Variants in CHAF1A observed in about 807,000 individuals in gnomAD.
CHAF1A encodes the protein chromatin assembly factor 1 subunit A, also known as CAF-1 subunit A.
CHAF1A carries 5 observed loss-of-function variants against 93.2 expected under a neutral mutation model. That is an observed-to-expected ratio of 0.05 (90% CI 0.03 to 0.11). CHAF1A has a LOEUF of 0.11. CHAF1A is among the 10% of genes least tolerant of loss of function. CHAF1A has a pLI of 1.00. For synonymous variants in CHAF1A, 504 were observed against 510.3 expected (o/e 0.99, Z 0.17); for missense variants, 1,102 against 1,259.9 (o/e 0.87, Z 1.90).
intron 1 of CHAF1A, among the ~76,000 whole-genome samples, chr19:4,405,544 G>T (rs950098210): frequency 4.6e-5 from 7 of 151,358 alleles, no homozygotes; most frequent in Admixed American, 2.0e-4. Context: ...GGAGGCGGAG[G>T]TTGCAGTGAG....
chr19:4,432,897 A>G (rs994123919), intron 12 of CHAF1A, among the ~76,000 whole-genome samples, 173 bp from the exon 13 acceptor site: 3 of 152,118 alleles, frequency 2.0e-5, no homozygotes, highest in African/African-American at 7.2e-5. Context: ...ACTTCTGGGC[A>G]GGTGCGTAGG....
intron 4 of CHAF1A, among the ~76,000 whole-genome samples, chr19:4,418,731 C>T (rs1368207181): frequency 2.6e-5 from 4 of 152,220 alleles, no homozygotes; most frequent in South Asian, 4.2e-4. Context: ...GTGTCTTTCA[C>T]TTATTGCTAA....
At chr19:4,403,121 C>T (rs1308240780) in intron 1 of CHAF1A, among the ~76,000 whole-genome samples, 1 of 152,206 alleles carries the variant, frequency 6.6e-6, no homozygotes, top group Non-Finnish European at 1.5e-5. Flanking sequence ...CCCAGGGAAG[C>T]GAAAGGGCTT....
At chr19:4,438,229 G>T (rs1282503856) in intron 13 of CHAF1A, among the ~76,000 whole-genome samples, 1 of 152,116 alleles carries the variant, frequency 6.6e-6, no homozygotes, top group Non-Finnish European at 1.5e-5. Flanking sequence ...AGTGTCTGTT[G>T]TTCCCCTCTT....
intron 3 of CHAF1A, among the ~76,000 whole-genome samples, chr19:4,415,340 C>A (rs1349521521): frequency 6.6e-6 from 1 of 152,174 alleles, no homozygotes; most frequent in Non-Finnish European, 1.5e-5. Context: ...CGGGCTCTTG[C>A]CAGTCACATC....
downstream of CHAF1A, chr19:4,446,586 C>T (rs769037800): frequency 6.8e-6 from 11 of 1,612,662 alleles, no homozygotes; most frequent in Admixed American, 3.3e-5. Flanking sequence ...GGGGCGAGGG[C>T]TGGAAGACGC....
intron 7 of CHAF1A, 58 bp downstream of exon 7, chr19:4,423,932 G>T: frequency 6.7e-7 from 1 of 1,502,742 alleles, no homozygotes; most frequent in African/African-American, 1.4e-5. Context: ...TTTCCTTTCT[G>T]AAAGTGAAAG....
chr19:4,448,594 C>G (rs1045615946), downstream of CHAF1A: 128 of 615,376 alleles, frequency 2.1e-4, no homozygotes, highest in African/African-American at 2.3e-3. Flanking sequence ...CTGCCCACGC[C>G]CCAGGGCAGA....
Position 4,402,819 on chromosome 19 carries a change from G to T in CHAF1A, c.52+5G>T. ...GCGCCAGGGGAGCCGCCACAGGTCG[G>T]TTCGGGCCCGCGCCGAGGGGAAGGG... On this transcript the variant is annotated splice_donor_5th_base_variant and intron_variant, in intron 1 of 14. Coordinates refer to ENST00000301280, the MANE Select transcript of CHAF1A (RefSeq NM_005483.3). 8.3e-7 allele frequency: 1 copy of T among 1,202,576 alleles called. No individual in the cohort carries two copies. Among genetic ancestry groups the T allele is most frequent in the Non-Finnish European group, 1.0e-6 (1 of 968,790 alleles). The allele number at this position is 1,202,576 out of a possible 1,614,324, so 74.5% of individuals were successfully genotyped here. A position where few individuals can be genotyped will look rare whatever the true frequency, so the allele number is the denominator to read the frequency against.
At chr19:4,435,124 G>A (rs1974260493) in intron 13 of CHAF1A, among the ~76,000 whole-genome samples, 1 of 118,398 alleles carries the variant, frequency 8.4e-6, no homozygotes, top group South Asian at 2.7e-4. Flanking sequence ...ACAGTCTCGC[G>A]CTGTTGCCCG....
chr19:4,439,077 G>A (rs1408385330), intron 13 of CHAF1A, among the ~76,000 whole-genome samples: 1 of 151,906 alleles, frequency 6.6e-6, no homozygotes, highest in Non-Finnish European at 1.5e-5. Flanking sequence ...GAGGCCAGGA[G>A]TTCAAGACCA....
At chr19:4,445,936 C>A (rs770506195), downstream of CHAF1A, 1 of 1,473,866 alleles carries the variant, frequency 6.8e-7, no homozygotes, top group Non-Finnish European at 9.0e-7. Flanking sequence ...AGGGACCTGC[C>A]CAGGCCCCCT....
At chr19:4,412,917 C>T (rs1973832353) in intron 3 of CHAF1A, among the ~76,000 whole-genome samples, 1 of 152,184 alleles carries the variant, frequency 6.6e-6, no homozygotes, top group Non-Finnish European at 1.5e-5. Flanking sequence ...AAGCGATTAT[C>T]GGGAGGCCTC....
At position 4,422,679 on chromosome 19, in the gene CHAF1A, A is replaced by T. The variant is rs1365926859; in HGVS notation, c.1131A>T (p.Glu377Asp). 6.2e-7 allele frequency: 1 copy of T among 1,611,348 alleles called. No homozygotes were observed. The highest frequency in any genetic ancestry group is 8.5e-7 in the Non-Finnish European group (1 of 1,178,846). Residue 377 changes from glutamate (E) to aspartate (D), a missense_variant, in exon 5 of 15, where the codon GAA (glutamate) becomes GAT (aspartate). Glu to Asp is a conservative substitution (Grantham distance 45). Coordinates refer to ENST00000301280, the MANE Select transcript of CHAF1A (RefSeq NM_005483.3). This position sits in a 1 kb window ranked among gnomAD's most constrained non-coding sequence, Gnocchi z 4.6. The stretch of plus-strand genomic sequence containing the variant: ...AGGAGGCCAAGAAGAAGAAGGAGGA[A>T]GAGAAGGAGCTTAAGGAAAAGGAGA... ...AKEEAKKKKE[E>D]EKELKEKERR...
Position 4,431,983 on chromosome 19 carries a change from G to A in CHAF1A, c.1979G>A (p.Arg660His), listed in dbSNP as rs770871515. 5.6e-6 allele frequency: 9 copies of A among 1,612,760 alleles called. No homozygotes were observed. Among genetic ancestry groups the A allele is most frequent in the East Asian group, 2.2e-5 (1 of 44,814 alleles). The change falls in exon 12 of 15, where the codon CGC (arginine) becomes CAC (histidine). Residue 660 changes from arginine to histidine, a missense_variant. Arg to His is a conservative substitution (Grantham distance 29). Coordinates refer to ENST00000301280, the MANE Select transcript of CHAF1A (RefSeq NM_005483.3). ...ECADPENHKV[R>H]QKLKAKEWDE... ...GCCGACCCTGAGAACCATAAGGTCC[G>A]CCAGAAACTGAAGGCCAAGGAGTGG...
chr19:4,408,202 T>C (rs1490576483), intron 2 of CHAF1A, among the ~76,000 whole-genome samples: 1 of 150,328 alleles, frequency 6.7e-6, no homozygotes, highest in African/African-American at 2.4e-5. Flanking sequence ...CTTTTTTTTT[T>C]TTTTTTCTTT....
At position 4,409,253 on chromosome 19, in the gene CHAF1A, G is replaced by A. The variant is rs1355516302; in HGVS notation, c.454G>A (p.Glu152Lys). The A allele has an allele frequency of 1.4e-5, 23 of 1,614,068 alleles. No individual in the cohort carries two copies. In the Admixed American group the frequency reaches 1.7e-4, roughly 12 times the overall value. Residue 152 changes from glutamate to lysine, a missense_variant, in exon 3 of 15, where the codon GAA becomes AAA. By Grantham distance (56) the Glu-to-Lys change is moderately conservative. Around this residue, in one of 6 missense-constraint regions of CHAF1A, gnomAD observed 379 missense variants for 365.7 expected, o/e 1.04. Transcript: ENST00000301280. ...CAGGGAGGCAATAAATGGCCAGCGA[G>A]AAGACACTGGGGATCAGCAGGGGTT... The part of the protein sequence containing the change: ...PSREAINGQR[E>K]DTGDQQGLLK...
intron 3 of CHAF1A, among the ~76,000 whole-genome samples, chr19:4,417,057 G>A (rs1320466112): frequency 6.6e-6 from 1 of 151,946 alleles, no homozygotes; most frequent in Non-Finnish European, 1.5e-5. Context: ...ACAGCTCAGT[G>A]CAGCCTCAAC....
chr19:4,446,116 T>C (rs946653856), downstream of CHAF1A: 1 of 1,612,408 alleles, frequency 6.2e-7, no homozygotes, highest in Non-Finnish European at 8.5e-7. Flanking sequence ...GGCCAGCAGC[T>C]CAAAAGGCAG....
Sources: gnomAD v4.1 joint callset for allele counts (sites outside exome capture counted in the v4.1 genomes callset) on GRCh38, gnomAD v4.1.1 for gene constraint, gnomAD v4.1.1 regional missense constraint, Gnocchi (gnomAD v3.1) non-coding constraint, MANE v1.5 for transcripts, NCBI Gene and HGNC (gene_info 2026-07-23, HGNC 2026-07-21) for gene names.